Variants in FANCA observed in about 807,000 individuals in gnomAD.
FANCA encodes Fanconi anemia group A protein.
In FANCA, 236 loss-of-function variants were observed where a neutral mutation model predicts 194.3. That is an observed-to-expected ratio of 1.21 (90% confidence interval 1.09 to 1.35). The LOEUF (loss-of-function observed/expected upper bound fraction) is 1.35. Ranked by LOEUF, FANCA falls within the 40% of genes most tolerant of loss-of-function variation. The probability of loss-of-function intolerance (pLI) is 0.00; values close to 1 mark genes in which losing one functional copy is unlikely to be tolerated. For missense variants in FANCA, 2,628 were observed against 1,813.9 expected (o/e 1.45, Z -8.15); for synonymous variants, 1,014 against 715.8 (o/e 1.42, Z -6.65).
intron 11 of FANCA, among the ~76,000 whole-genome samples, chr16:89,793,811 T>C (rs1598155714): frequency 6.6e-6 from 1 of 152,076 alleles, no homozygotes; most frequent in East Asian, 1.9e-4. Flanking sequence ...AGTGCAGTGG[T>C]ACAATCTCGG....
chr16:89,798,985 A>G (rs1368254821), intron 10 of FANCA, 181 bp downstream of exon 10: 34 of 1,613,818 alleles, frequency 2.1e-5, no homozygotes, highest in Admixed American at 1.7e-5. Context: ...AAGGCTGACC[A>G]GAGCGTTCCC....
At chr16:89,787,054 C>T (rs187502171) in intron 14 of FANCA, among the ~76,000 whole-genome samples, 5 of 152,330 alleles carry the variant, frequency 3.3e-5, no homozygotes, top group Admixed American at 6.5e-5. Flanking sequence ...AAGTGACACG[C>T]GCAAGCCAGA....
intron 32 of FANCA, among the ~76,000 whole-genome samples, 168 bp downstream of exon 32, chr16:89,749,562 G>T (rs1250131270): frequency 6.6e-6 from 1 of 152,176 alleles, no homozygotes; most frequent in Non-Finnish European, 1.5e-5. Context: ...CAACCCTCCA[G>T]ATCCTCTTCT....
chr16:89,767,102 G>A (rs1567616060), intron 27 of FANCA, 39 bp downstream of exon 27: 10 of 1,499,064 alleles, frequency 6.7e-6, no homozygotes, highest in East Asian at 2.3e-5. Context: ...AACCTGAAAC[G>A]TATGGCAGAA....
intron 26 of FANCA, among the ~76,000 whole-genome samples, chr16:89,767,790 C>T (rs1408081504): frequency 6.6e-5 from 10 of 152,128 alleles, no homozygotes; most frequent in East Asian, 1.9e-4. Context: ...CTTCGTGCTC[C>T]GCCCACCTCA....
intron 14 of FANCA, among the ~76,000 whole-genome samples, chr16:89,785,193 A>C (rs2039856644): frequency 2.0e-5 from 3 of 152,198 alleles, no homozygotes; most frequent in African/African-American, 7.2e-5. Flanking sequence ...AACACCAAAA[A>C]GTCATGTGGT....
chr16:89,801,063 A>AT (rs1411864525), intron 8 of FANCA, among the ~76,000 whole-genome samples: 4 of 150,426 alleles, frequency 2.7e-5, no homozygotes, highest in Non-Finnish European at 5.9e-5. Flanking sequence ...AGAAAAAAAA[A>AT]GGCCAGGCAC....
chr16:89,744,358 C>T (rs1034327138), intron 36 of FANCA, among the ~76,000 whole-genome samples: 5 of 152,222 alleles, frequency 3.3e-5, no homozygotes, highest in African/African-American at 1.2e-4. Flanking sequence ...CACCCACATT[C>T]AGCAGGTGGA....
chr16:89,806,973 G>A (rs886210412), intron 6 of FANCA, among the ~76,000 whole-genome samples: 5 of 152,052 alleles, frequency 3.3e-5, no homozygotes, highest in South Asian at 4.1e-4. Context: ...CTGGCCGGGC[G>A]GGGGGCTGAC....
intron 30 of FANCA, 98 bp downstream of exon 30, chr16:89,758,478 CT>C: frequency 2.7e-6 from 4 of 1,466,534 alleles, no homozygotes; most frequent in Non-Finnish European, 3.8e-6. Context: ...CCACCCTAAG[CT>C]AATTAGATGG....
chr16:89,790,866 G>A (rs1424406684), intron 14 of FANCA, among the ~76,000 whole-genome samples: 2 of 151,332 alleles, frequency 1.3e-5, no homozygotes, highest in East Asian at 3.9e-4. Context: ...GTCTCCTTCT[G>A]TCACCCAGGC....
intron 31 of FANCA, 88 bp downstream of exon 31, chr16:89,752,050 G>C: frequency 2.5e-6 from 3 of 1,196,950 alleles, no homozygotes; most frequent in South Asian, 1.2e-5. Flanking sequence ...GATTACAGGC[G>C]TGAGCCACCG....
chr16:89,782,912 T>G lies in FANCA; in HGVS notation c.1573A>C (p.Ile525Leu). Residue 525 changes from isoleucine (I) to leucine (L), a missense_variant, in exon 17 of 43, where the codon ATA becomes CTA. By Grantham distance (5) the Ile-to-Leu change is conservative. Transcript: ENST00000389301. Reference protein sequence around the residue: ...KTRLADLKVSIENMGLYEDLS... With the variant: ...KTRLADLKVSLENMGLYEDLS... ...TCCTCGTAGAGTCCCATGTTTTCTA[T>G]AGAAACCTTCAGGGAAGACACAGAA... 6.2e-6 allele frequency: 10 copies of G among 1,614,018 alleles called. No individual in the cohort carries two copies. The highest frequency in any genetic ancestry group is 8.5e-6 in the Non-Finnish European group (10 of 1,179,902).
intron 26 of FANCA, among the ~76,000 whole-genome samples, chr16:89,768,985 G>A (rs2039226118): frequency 6.6e-6 from 1 of 152,172 alleles, no homozygotes; most frequent in Admixed American, 6.5e-5. Context: ...GAGGGACTCT[G>A]TATCCCCGGA....
In FANCA at chr16:89,748,678, T is replaced by C. The variant is rs752837228; in HGVS notation, c.3329A>G (p.His1110Arg). 1 of 1,614,036 alleles carries C rather than the reference T, an allele frequency of 6.2e-7. No homozygotes were observed. Among genetic ancestry groups the C allele is most frequent in the South Asian group, 1.1e-5 (1 of 91,078 alleles). ...ACCTACCATCTCAGAGTTGACCAAG[T>C]GGAAGAACTGCTCGCATCTGGCAGT... ...PITARCEQFF[H>R]LVNSEMRNFC... Residue 1110 changes from histidine to arginine, a missense_variant, in exon 33 of 43, where the codon CAC becomes CGC. Physicochemically the swap from His to Arg is conservative, Grantham distance 29. Coordinates refer to ENST00000389301, the MANE Select transcript of FANCA (RefSeq NM_000135.4).
chr16:89,738,285 T>C lies in FANCA; in HGVS notation c.*316A>G, dbSNP rs908909494. ...GATGAGCACCTCTAGCAGCCTGGAC[T>C]CCGCAGTGGCTGTGTCAGCCTCACC... On this transcript the variant is annotated 3_prime_UTR_variant, in exon 43 of 43. Transcript: ENST00000389301. 1.2e-5 allele frequency: 18 copies of C among 1,553,052 alleles called. No homozygotes were observed. Among genetic ancestry groups the C allele is most frequent in the Non-Finnish European group, 1.6e-5 (18 of 1,150,666 alleles).
intron 25 of FANCA, 27 bp from the exon 26 acceptor site, chr16:89,770,051 C>T (rs751750152): frequency 3.7e-6 from 6 of 1,608,710 alleles, no homozygotes; most frequent in Non-Finnish European, 5.1e-6. Context: ...GGTGGCAGAG[C>T]AGACTGCCCT....
chr16:89,808,793 C>A (rs1220393633), intron 5 of FANCA, among the ~76,000 whole-genome samples: 1 of 152,314 alleles, frequency 6.6e-6, no homozygotes, highest in East Asian at 1.9e-4. Flanking sequence ...TCTCACTCAA[C>A]CCTCTCCCAT....
chr16:89,765,478 C>A (rs1369035870), intron 27 of FANCA, among the ~76,000 whole-genome samples: 2 of 152,270 alleles, frequency 1.3e-5, no homozygotes, highest in Non-Finnish European at 2.9e-5. Context: ...ATGTGCAGAC[C>A]TTCCTGCCAT....
Sources: allele counts gnomAD v4.1 joint callset (sites outside exome capture counted in the v4.1 genomes callset), GRCh38; gene constraint gnomAD v4.1.1; transcripts MANE v1.5; gene names NCBI Gene and HGNC (gene_info 2026-07-23, HGNC 2026-07-21).